The following PHF14 variants were observed in gnomAD, a reference collection of about 807,000 sequenced individuals.
The protein encoded by PHF14 is PHD finger protein 14.
A neutral mutation model predicts 117.9 loss-of-function variants in PHF14; 55 were observed. The ratio of observed to expected loss-of-function variants is 0.47; its 90% confidence interval spans 0.38 to 0.58. The LOEUF is 0.58. Among genes scored for constraint, PHF14 ranks in the 20% least tolerant of loss-of-function variants. PHF14 has a pLI of 0.00. For missense variants in PHF14, 978 were observed against 1,122.2 expected (o/e 0.87, Z 1.84); for synonymous variants, 409 against 368.6 (o/e 1.11, Z -1.26).
At chr7:11,080,667 A>G (rs1003543742) in intron 16 of PHF14, among the ~76,000 whole-genome samples, 5 of 152,138 alleles carry the variant, frequency 3.3e-5, no homozygotes, top group Admixed American at 2.6e-4. Context: ...ATTTTTTGCA[A>G]ACAACTCTTT....
intron 7 of PHF14, among the ~76,000 whole-genome samples, chr7:11,029,210 T>A (rs543273207): frequency 1.3e-5 from 2 of 152,348 alleles, no homozygotes; most frequent in South Asian, 4.1e-4. Flanking sequence ...GTGTCTTTAG[T>A]ATCTCTGTTA....
Position 10,983,070 on chromosome 7 carries a change from A to G in PHF14, c.811A>G (p.Lys271Glu), listed in dbSNP as rs769919936. The G allele has an allele frequency of 8.1e-6, 13 of 1,598,792 alleles. No individual in the cohort carries two copies. In the South Asian group the frequency reaches 1.1e-4, roughly 14 times the overall value. ...SPASEGGCKK[K>E]KSKVLSRNSA... ...TGCCAGTGAAGGGGGTTGCAAGAAGAAGAAGAGTAAAGTTCTTAGCAGAAA... is the reference window on the plus strand; with the variant it reads ...TGCCAGTGAAGGGGGTTGCAAGAAGGAGAAGAGTAAAGTTCTTAGCAGAAA... Residue 271 changes from lysine to glutamate, a missense_variant, in exon 3 of 18, where the codon AAG (lysine) becomes GAG (glutamate). By Grantham distance (56) the Lys-to-Glu change is moderately conservative. Transcript: ENST00000634607.
intron 16 of PHF14, among the ~76,000 whole-genome samples, chr7:11,098,008 C>T (rs1011681790): frequency 9.2e-5 from 14 of 151,814 alleles, no homozygotes; most frequent in Non-Finnish European, 1.5e-4. Flanking sequence ...TATCATATTC[C>T]TTTAAAAAAG....
chr7:11,082,399 C>CATGA (rs1786179792), intron 16 of PHF14, among the ~76,000 whole-genome samples: 1 of 152,162 alleles, frequency 6.6e-6, no homozygotes, highest in Non-Finnish European at 1.5e-5. Context: ...TATGGAAAGG[C>CATGA]ATGAAACAAA....
intron 2 of PHF14, among the ~76,000 whole-genome samples, chr7:10,977,781 T>C (rs1035367401): frequency 6.6e-6 from 1 of 152,128 alleles, no homozygotes; most frequent in Non-Finnish European, 1.5e-5. Context: ...GGTTGAACTA[T>C]ATGGAATTAC....
chr7:11,056,014 G>A (rs1370768898), intron 14 of PHF14, among the ~76,000 whole-genome samples: 2 of 152,072 alleles, frequency 1.3e-5, no homozygotes, highest in Admixed American at 6.6e-5. Context: ...ACATACCAGA[G>A]TTTTCTATTA....
intron 3 of PHF14, among the ~76,000 whole-genome samples, chr7:10,983,427 A>T (rs1288243502): frequency 6.6e-6 from 1 of 152,280 alleles, no homozygotes; most frequent in East Asian, 1.9e-4. Flanking sequence ...TAGACTTGGG[A>T]AATGACAAAG....
chr7:10,976,851 C>G (rs1235673577), intron 2 of PHF14, among the ~76,000 whole-genome samples: 1 of 145,710 alleles, frequency 6.9e-6, no homozygotes, highest in Non-Finnish European at 1.5e-5. Flanking sequence ...GTATGCTGCA[C>G]TCATAATTTA....
At chr7:11,096,853 A>T (rs1327265398) in intron 16 of PHF14, among the ~76,000 whole-genome samples, 1 of 151,962 alleles carries the variant, frequency 6.6e-6, no homozygotes, top group Non-Finnish European at 1.5e-5. Context: ...ATTTTGACTT[A>T]TCACTATATA....
chr7:11,040,753 A>C lies in PHF14; in HGVS notation c.2158A>C (p.Thr720Pro), dbSNP rs779472097. ...AGAAGGAGGCACACAAAAGACATCT[A>C]CTCTTCCTGCAGTACTTTATAGGCA... ...KKEGGTQKTS[T>P]LPAVLYSCGI... The change falls in exon 12 of 18, where the codon ACT (threonine) becomes CCT (proline). Residue 720 changes from threonine (T) to proline (P), a missense_variant. By Grantham distance (38) the Thr-to-Pro change is conservative. Transcript: ENST00000634607. 1.3e-6 allele frequency: 2 copies of C among 1,552,288 alleles called. No individual in the cohort carries two copies. Among genetic ancestry groups the C allele is most frequent in the Non-Finnish European group, 1.7e-6 (2 of 1,144,248 alleles).
chr7:10,989,541 TTAAATC>T (rs1160468504), intron 3 of PHF14, among the ~76,000 whole-genome samples: 1 of 152,212 alleles, frequency 6.6e-6, no homozygotes, highest in Non-Finnish European at 1.5e-5. Flanking sequence ...TACTTAAAGT[TTAAATC>T]TATAATGCAG....
intron 4 of PHF14, among the ~76,000 whole-genome samples, chr7:10,992,891 G>A (rs1583339024): frequency 6.6e-6 from 1 of 152,118 alleles, no homozygotes; most frequent in Admixed American, 6.5e-5. Context: ...CAGTCCTTGA[G>A]TTTCTGTCTC....
chr7:11,104,683 A>C, intron 16 of PHF14: 1 of 936,648 alleles, frequency 1.1e-6, no homozygotes, highest in Non-Finnish European at 1.3e-6. Context: ...CATTGGAATC[A>C]CAGGAAGGAT....
intron 14 of PHF14, among the ~76,000 whole-genome samples, chr7:11,052,075 C>T (rs1398839869): frequency 1.3e-5 from 2 of 152,154 alleles, no homozygotes; most frequent in Non-Finnish European, 2.9e-5. Flanking sequence ...CCTCGACAAG[C>T]TCATCTTTAT....
At chr7:11,099,230 C>T (rs889500018) in intron 16 of PHF14, among the ~76,000 whole-genome samples, 2 of 152,088 alleles carry the variant, frequency 1.3e-5, no homozygotes, top group Non-Finnish European at 2.9e-5. Context: ...CTGTCTAACA[C>T]ATTTAGTATT....
chr7:11,022,299 C>G (rs1328121395), intron 5 of PHF14, among the ~76,000 whole-genome samples: 1 of 152,024 alleles, frequency 6.6e-6, no homozygotes, highest in Non-Finnish European at 1.5e-5. Context: ...ATTGCTTATT[C>G]TGTACCTTTT....
At chr7:11,106,344 G>A in intron 16 of PHF14, 3 of 980,162 alleles carry the variant, frequency 3.1e-6, no homozygotes, top group Non-Finnish European at 3.6e-6. Flanking sequence ...GTCTGTAGTG[G>A]TATTAATGAA....
At chr7:11,047,289 C>G (rs944517671) in intron 13 of PHF14, among the ~76,000 whole-genome samples, 1 of 151,848 alleles carries the variant, frequency 6.6e-6, no homozygotes, top group Non-Finnish European at 1.5e-5. Flanking sequence ...AGAATGGTCT[C>G]GATCTCCTGA....
intron 5 of PHF14, among the ~76,000 whole-genome samples, chr7:11,021,647 A>T (rs559768756): frequency 1.3e-5 from 2 of 152,180 alleles, no homozygotes; most frequent in Non-Finnish European, 2.9e-5. Context: ...TCAGTGGAGC[A>T]TGAAAAAACT....
Sources: allele counts gnomAD v4.1 joint callset (sites outside exome capture counted in the v4.1 genomes callset), GRCh38; gene constraint gnomAD v4.1.1; transcripts MANE v1.5; gene names NCBI Gene and HGNC (gene_info 2026-07-23, HGNC 2026-07-21).